The following EBF4 variants were observed in gnomAD, a reference collection of about 807,000 sequenced individuals.
EBF4 encodes the protein transcription factor COE4.
In EBF4, 34 loss-of-function variants were observed where a neutral mutation model predicts 67.1. That is an observed-to-expected ratio of 0.51 (90% CI 0.39 to 0.67). EBF4 has a LOEUF of 0.67. Among genes scored for constraint, EBF4 ranks in the 30% least tolerant of loss-of-function variants. The pLI, the probability that EBF4 is intolerant of heterozygous loss-of-function variation, is 0.00. For synonymous variants in EBF4, 387 were observed against 377.7 expected (o/e 1.02, Z -0.29); for missense variants, 837 against 873.3 (o/e 0.96, Z 0.52).
rs2087478166 is a variant in EBF4, at chr20:2,707,691, C to T, written c.415-256C>T. Among the ~76,000 whole-genome samples, 1 of 152,190 alleles carries T rather than the reference C, an allele frequency of 6.6e-6. No homozygotes were observed. Among genetic ancestry groups the T allele is most frequent in the Admixed American group, 6.5e-5 (1 of 15,286 alleles). On this transcript the variant is annotated intron_variant, in intron 4 of 16. Coordinates refer to ENST00000609451, the Ensembl canonical transcript of EBF4. The surrounding 1 kb of genome is among the most constrained non-coding windows in gnomAD (Gnocchi z 4.6). ...AGGAACCCCCTGCCCCAAGCAGAGCCAGCTCTGGAAAGAGCCACCTACAGA... is the reference window on the plus strand; with the variant it reads ...AGGAACCCCCTGCCCCAAGCAGAGCTAGCTCTGGAAAGAGCCACCTACAGA...
At chr20:2,715,563 A>C (rs2087597209) in intron 6 of EBF4, among the ~76,000 whole-genome samples, 1 of 152,152 alleles carries the variant, frequency 6.6e-6, no homozygotes, top group South Asian at 2.1e-4. Flanking sequence ...AGGTGGTTTG[A>C]CTAAGTAACA....
At chr20:2,711,495 T>C (rs1001558853) in intron 6 of EBF4, among the ~76,000 whole-genome samples, 1 of 152,240 alleles carries the variant, frequency 6.6e-6, no homozygotes, top group Non-Finnish European at 1.5e-5. Context: ...GGACAAAGAA[T>C]ATGTGCATTT....
chr20:2,703,408 C>G (rs1198356328), intron 1 of EBF4, among the ~76,000 whole-genome samples: 1 of 147,804 alleles, frequency 6.8e-6, no homozygotes, highest in African/African-American at 2.7e-5. Context: ...TGCACTCCAG[C>G]CCGGATGACA....
intron 1 of EBF4, among the ~76,000 whole-genome samples, chr20:2,698,909 CGA>C (rs1208923604): frequency 6.6e-6 from 1 of 151,968 alleles, no homozygotes; most frequent in Non-Finnish European, 1.5e-5. Flanking sequence ...GAGAGGAGGC[CGA>C]GGCTCCAGCC....
intron 6 of EBF4, among the ~76,000 whole-genome samples, chr20:2,744,188 C>G (rs1206892631): frequency 1.3e-5 from 2 of 151,454 alleles, no homozygotes; most frequent in Non-Finnish European, 2.9e-5. Context: ...TCAAGTGATT[C>G]TCCTGCCTCA....
At chr20:2,719,901 G>A (rs552788728) in intron 6 of EBF4, among the ~76,000 whole-genome samples, 1 of 152,194 alleles carries the variant, frequency 6.6e-6, no homozygotes, top group African/African-American at 2.4e-5. Context: ...TATCAAACAG[G>A]TCAAGTTAAT....
rs1384673816 is a variant in EBF4 at position 2,745,316 on chromosome 20, C to T, written c.558-3233C>T. ...GTTTCAGCCACACCATGGATGGTTT[C>T]GACTATGTGCTAGCTCTGAGGACAG... On this transcript the variant is annotated intron_variant, in intron 6 of 16. Coordinates refer to ENST00000609451, the Ensembl canonical transcript of EBF4. This position sits in a 1 kb window ranked among gnomAD's most constrained non-coding sequence, Gnocchi z 5.2. Among the ~76,000 whole-genome samples, 2 of 152,138 alleles carry T rather than the reference C, an allele frequency of 1.3e-5. No individual in the cohort carries two copies. Among genetic ancestry groups the T allele is most frequent in the Non-Finnish European group, 2.9e-5 (2 of 68,016 alleles).
chr20:2,710,402 G>C (rs974996257), intron 6 of EBF4, among the ~76,000 whole-genome samples: 1 of 151,996 alleles, frequency 6.6e-6, no homozygotes, highest in Non-Finnish European at 1.5e-5. Flanking sequence ...CACCCACCTC[G>C]ACCTTCCAAA....
chr20:2,711,871 G>C (rs1244556689), intron 6 of EBF4, among the ~76,000 whole-genome samples: 1 of 152,170 alleles, frequency 6.6e-6, no homozygotes, highest in Admixed American at 6.5e-5. Flanking sequence ...TGAAGCTTTA[G>C]GGTATTTAAG....
intron 10 of EBF4, 113 bp downstream of exon 10, chr20:2,750,086 C>A (rs760060579): frequency 2.8e-4 from 394 of 1,420,976 alleles, no homozygotes; most frequent in Non-Finnish European, 3.5e-4. Context: ...GCTGTGGCCA[C>A]GACCCCTAGA....
Position 2,720,561 on chromosome 20 carries a change from C to G in EBF4, c.557+10919C>G, listed in dbSNP as rs544348506. Among the ~76,000 whole-genome samples, 79 of 152,226 alleles carry G rather than the reference C, an allele frequency of 5.2e-4. 1 individual carries two copies. Among genetic ancestry groups the G allele is most frequent in the African/African-American group, 1.8e-3 (74 of 41,548 alleles). On this transcript the variant is annotated intron_variant, in intron 6 of 16. Transcript: ENST00000609451. ...TAGAACTTATTGTATATATCCTAAA[C>G]TTACTGCAATCTACCTTCAATTATA...
Position 2,693,962 on chromosome 20 carries a change from G to T in EBF4, c.137+180G>T. Among the ~76,000 whole-genome samples, 1 of 152,088 alleles carries T rather than the reference G, an allele frequency of 6.6e-6. No homozygotes were observed. Among genetic ancestry groups the T allele is most frequent in the Admixed American group, 6.5e-5 (1 of 15,292 alleles). On this transcript the variant is annotated intron_variant, in intron 1 of 16. Transcript: ENST00000609451. This position sits in a 1 kb window ranked among gnomAD's most constrained non-coding sequence, Gnocchi z 4.6. ...GCTGCCTCCTGAGGCTGTGGGGCGG[G>T]CTGGGGCGGGGCTTCTGCCTCCACT...
chr20:2,693,471 C>A, upstream of EBF4: 2 of 709,650 alleles, frequency 2.8e-6, no homozygotes, highest in Non-Finnish European at 3.9e-6. This position sits in a 1 kb window ranked among gnomAD's most constrained non-coding sequence, Gnocchi z 4.6. Context: ...CCGGCGCCCG[C>A]GGACCCGCTT....
intron 6 of EBF4, among the ~76,000 whole-genome samples, chr20:2,716,220 TAAAAAAA>T (rs35206416): frequency 2.5e-5 from 3 of 118,272 alleles, no homozygotes; most frequent in African/African-American, 9.6e-5. Context: ...GACCCTGTCT[TAAAAAAA>T]AAAAAAAAAA....
Position 2,752,352 on chromosome 20 carries a change from C to T in EBF4, c.1352-5C>T. On this transcript the variant is annotated splice_region_variant and splice_polypyrimidine_tract_variant and intron_variant, in intron 13 of 16. Coordinates refer to ENST00000609451, the Ensembl canonical transcript of EBF4. ...GCCCCCTGACGGCCGCGCTCTCTCTCGCAGGCTACGCGCGCAGCTGCAGCA... is the reference window on the plus strand; with the variant it reads ...GCCCCCTGACGGCCGCGCTCTCTCTTGCAGGCTACGCGCGCAGCTGCAGCA... 2 of 1,213,986 alleles carry T rather than the reference C, an allele frequency of 1.6e-6. No homozygotes were observed. The highest frequency in any genetic ancestry group is 2.0e-6 in the Non-Finnish European group (2 of 979,242). 75.2% of individuals were successfully genotyped at this position (1,213,986 alleles called of 1,614,324 possible).
intron 4 of EBF4, among the ~76,000 whole-genome samples, chr20:2,706,790 C>T (rs2087465260): frequency 6.6e-6 from 1 of 152,218 alleles, no homozygotes; most frequent in Non-Finnish European, 1.5e-5. Flanking sequence ...AAGCCCTCTG[C>T]AGCTGACATC....
chr20:2,728,642 A>C lies in EBF4; in HGVS notation c.557+19000A>C, dbSNP rs147280069. Among the ~76,000 whole-genome samples the C allele has an allele frequency of 8.2e-3, 1,237 of 151,204 alleles. 51 individuals carry two copies. The highest frequency in any genetic ancestry group is 0.061 in the Admixed American group (923 of 15,180). On this transcript the variant is annotated intron_variant, in intron 6 of 16. Transcript: ENST00000609451. ...TTCTGAGCTTTTGTAGATCTCTCAA[A>C]TCCCCCATCCAGGACCCTCTGATGG...
chr20:2,711,051 G>A (rs368437341), intron 6 of EBF4, among the ~76,000 whole-genome samples: 5 of 152,018 alleles, frequency 3.3e-5, no homozygotes, highest in South Asian at 4.1e-4. Context: ...AGGAGGCCGA[G>A]GTGGGAGGAT....
chr20:2,708,611 T>C (rs2087494099), intron 5 of EBF4, among the ~76,000 whole-genome samples: 2 of 151,984 alleles, frequency 1.3e-5, no homozygotes, highest in South Asian at 4.2e-4. Context: ...TCCCAGCTAC[T>C]TGGAAGGCTG....
Sources: allele counts gnomAD v4.1 joint callset (sites outside exome capture counted in the v4.1 genomes callset), GRCh38; gene constraint gnomAD v4.1.1; non-coding constraint Gnocchi (gnomAD v3.1); transcripts MANE v1.5; gene names NCBI Gene and HGNC (gene_info 2026-07-23, HGNC 2026-07-21).